The following HNRNPU variants were observed in gnomAD, a reference collection of about 807,000 sequenced individuals.
HNRNPU encodes the protein heterogeneous nuclear ribonucleoprotein U.
In HNRNPU, 5 loss-of-function variants were observed where a neutral mutation model predicts 94.7. The observed-to-expected ratio is 0.05, with a 90% CI of 0.03 to 0.11. The LOEUF (loss-of-function observed/expected upper bound fraction) is 0.11, where lower values mean the gene tolerates loss of function less well. Among genes scored for constraint, HNRNPU ranks in the 10% least tolerant of loss-of-function variants. HNRNPU has a pLI of 1.00. For synonymous variants in HNRNPU, 434 were observed against 381.6 expected (o/e 1.14, Z -1.60); for missense variants, 710 against 1,049.2 (o/e 0.68, Z 4.47).
In HNRNPU at chr1:244,864,312, A is replaced by G; in HGVS notation, c.-5T>C. Reference sequence around the variant, plus strand: ...ATTAACAGGCGAGGAACTCATGGTGAGGGCCCCGATTCACCGCTAGGCGCT... The same window carrying G: ...ATTAACAGGCGAGGAACTCATGGTGGGGGCCCCGATTCACCGCTAGGCGCT... On this transcript the variant is annotated 5_prime_UTR_variant, in exon 1 of 14. Transcript: ENST00000640218. 6.2e-7 allele frequency: 1 copy of G among 1,612,038 alleles called. No homozygotes were observed. The highest frequency in any genetic ancestry group is 8.5e-7 in the Non-Finnish European group (1 of 1,179,546).
intron 5 of HNRNPU, 57 bp from the exon 6 acceptor site, chr1:244,858,898 C>A: frequency 1.2e-6 from 1 of 801,906 alleles, no homozygotes; most frequent in South Asian, 1.5e-5. Context: ...AAAGACTCAT[C>A]TATTTTACTA....
intron 8 of HNRNPU, 173 bp downstream of exon 8, chr1:244,857,425 T>G: frequency 1.6e-6 from 1 of 616,084 alleles, no homozygotes; most frequent in South Asian, 2.3e-5. Flanking sequence ...TTTTAAATTT[T>G]TAGTAGGAAC....
At chr1:244,855,139 G>T in intron 12 of HNRNPU, 95 bp from the exon 13 acceptor site, 1 of 969,052 alleles carries the variant, frequency 1.0e-6, no homozygotes, top group Non-Finnish European at 1.7e-6. Flanking sequence ...CAGGTTGCTA[G>T]CCCCTAATCT....
In HNRNPU at chr1:244,858,732, A is replaced by T. The variant is rs765368510; in HGVS notation, c.1227T>A (p.Phe409Leu). The T allele has an allele frequency of 6.5e-7, 1 of 1,533,898 alleles. No individual in the cohort carries two copies. The highest frequency in any genetic ancestry group is 9.0e-7 in the Non-Finnish European group (1 of 1,108,788). The change falls in exon 6 of 14, where the codon TTT becomes TTA. Residue 409 changes from phenylalanine (F) to leucine (L), a missense_variant. Physicochemically the swap from Phe to Leu is conservative, Grantham distance 22 (BLOSUM62 0). Around this residue, in one of 8 missense-constraint regions of HNRNPU, gnomAD observed 150 missense variants for 187.9 expected, o/e 0.80. Transcript: ENST00000640218. ...KFDENDVITC[F>L]ANFESDEVEL... ...TAGAAAGTTAGCTTTAACTTACAGC[A>T]AAACATGTAATCACATCATTTTCAT... is the stretch of plus-strand genomic sequence containing the variant.
chr1:244,863,010 A>C (rs1482095939), intron 1 of HNRNPU: 6 of 398,192 alleles, frequency 1.5e-5, no homozygotes, highest in Admixed American at 4.3e-5. Context: ...TCCCGAAGAG[A>C]GCGCAGAGAG....
chr1:244,858,934 T>A, intron 5 of HNRNPU, 93 bp from the exon 6 acceptor site: 1 of 661,094 alleles, frequency 1.5e-6, no homozygotes, highest in Non-Finnish European at 2.7e-6. Context: ...ACAAGAGAAA[T>A]AAGCATATAA....
Position 244,853,938 on chromosome 1 carries a change from C to G in HNRNPU, c.*512G>C, listed in dbSNP as rs1037211483. 6.5e-6 allele frequency: 1 copy of G among 152,700 alleles called. No individual in the cohort carries two copies. The highest frequency in any genetic ancestry group is 6.5e-5 in the Admixed American group (1 of 15,272). The allele number at this position is 152,700 out of a possible 1,614,324, so 9.5% of individuals were successfully genotyped here. ...TCAGAAACTATGATTTAGCTTACCCCCTCCACTACCCAGCAAACTACAGAG... is the reference window on the plus strand; with the variant it reads ...TCAGAAACTATGATTTAGCTTACCCGCTCCACTACCCAGCAAACTACAGAG... On this transcript the variant is annotated 3_prime_UTR_variant, in exon 14 of 14. Transcript: ENST00000640218.
At position 244,852,690 on chromosome 1, in the gene HNRNPU, A is replaced by G. The variant is rs939095793; in HGVS notation, c.*1760T>C. The G allele has an allele frequency of 6.6e-6, 1 of 152,180 alleles. No homozygotes were observed. Among genetic ancestry groups the G allele is most frequent in the Non-Finnish European group, 1.5e-5 (1 of 68,032 alleles). The allele number at this position is 152,180 out of a possible 1,614,324, so 9.4% of individuals were successfully genotyped here. On this transcript the variant is annotated 3_prime_UTR_variant, in exon 14 of 14. Transcript: ENST00000640218. ...TCTCAACTGAACCTATACATCACCT[A>G]AACTCCAGCTTATAGCAAGAAAATT...
intron 1 of HNRNPU, 80 bp from the exon 2 acceptor site, chr1:244,862,810 C>T: frequency 1.0e-6 from 1 of 964,768 alleles, no homozygotes; most frequent in South Asian, 1.3e-5. Context: ...ACCAAAGCAG[C>T]TCGACTTTAT....
chr1:244,863,271 G>C (rs1680896404), intron 1 of HNRNPU, among the ~76,000 whole-genome samples: 1 of 144,106 alleles, frequency 6.9e-6, no homozygotes, highest in African/African-American at 2.6e-5. Flanking sequence ...CGCACGCAGC[G>C]CGACGGCGCC....
Position 244,858,814 on chromosome 1 carries a change from G to C in HNRNPU, c.1145C>G (p.Ser382Cys). Residue 382 changes from serine to cysteine, a missense_variant, in exon 6 of 14, where the codon TCT (serine) becomes TGT (cysteine). By Grantham distance (112) the Ser-to-Cys change is moderately radical (BLOSUM62 -1). This residue lies in a region of HNRNPU where 150 missense variants were observed against 187.9 expected (regional missense o/e 0.80). Coordinates refer to ENST00000640218, the MANE Select transcript of HNRNPU (RefSeq NM_031844.3). ...GTTGCATGTTTTTATTCCTTTTAGA[G>C]AATACCCATAAGAAAATTCTTCTTC... The part of the protein sequence containing the change: ...LGEEEFSYGY[S>C]LKGIKTCNCE... 1.3e-6 allele frequency: 2 copies of C among 1,556,356 alleles called. No homozygotes were observed. Among genetic ancestry groups the C allele is most frequent in the Non-Finnish European group, 1.8e-6 (2 of 1,129,796 alleles).
At chr1:244,855,671 G>C (rs1006477158) in intron 11 of HNRNPU, 63 bp from the exon 12 acceptor site, 2 of 1,531,964 alleles carry the variant, frequency 1.3e-6, no homozygotes, top group African/African-American at 1.4e-5. Context: ...AGAAGACTTA[G>C]GATTCCTCTA....
chr1:244,864,073 C>T lies in HNRNPU; in HGVS notation c.235G>A (p.Ala79Thr), dbSNP rs1245925607. The change falls in exon 1 of 14, where the codon GCG becomes ACG. Residue 79 changes from alanine (A) to threonine (T), a missense_variant. Transcript: ENST00000640218. Reference sequence around the variant, plus strand: ...TCCTCCTCTTCATCGCCGCCGGCCGCGGCCTCCTGCTCGAGGCCTGCTCCC... The same window carrying T: ...TCCTCCTCTTCATCGCCGCCGGCCGTGGCCTCCTGCTCGAGGCCTGCTCCC... The part of the protein sequence containing the change: ...RSGAGLEQEA[A>T]AGGDEEEEEE... 1.9e-6 allele frequency: 3 copies of T among 1,601,350 alleles called. No homozygotes were observed. The highest frequency in any genetic ancestry group is 1.7e-5 in the Admixed American group (1 of 58,194).
chr1:244,862,976 G>A, intron 1 of HNRNPU: 3 of 538,468 alleles, frequency 5.6e-6, no homozygotes, highest in Non-Finnish European at 9.9e-6. Context: ...AAACTGCGCG[G>A]CCCAGGCCCG....
chr1:244,862,931 G>A (rs1416698995), intron 1 of HNRNPU: 1 of 595,636 alleles, frequency 1.7e-6, no homozygotes, highest in Non-Finnish European at 3.0e-6. Flanking sequence ...TACTAATTTT[G>A]CCAGTCTCCT....
chr1:244,855,080 C>T, intron 12 of HNRNPU, 36 bp from the exon 13 acceptor site: 1 of 1,540,870 alleles, frequency 6.5e-7, no homozygotes, highest in African/African-American at 1.4e-5. Flanking sequence ...AGCTCTGAGC[C>T]CAATTGCTTG....
intron 5 of HNRNPU, 108 bp from the exon 6 acceptor site, chr1:244,858,949 A>G (rs542446278): frequency 1.3e-5 from 8 of 626,628 alleles, no homozygotes; most frequent in Non-Finnish European, 2.2e-5. Context: ...ATATAACCTA[A>G]TCACCTGTCA....
At chr1:244,862,781 A>T in intron 1 of HNRNPU, 51 bp from the exon 2 acceptor site, 1 of 1,407,126 alleles carries the variant, frequency 7.1e-7, no homozygotes, top group Non-Finnish European at 1.0e-6. Context: ...CAACAAAAAA[A>T]CGCTTTTCCG....
intron 1 of HNRNPU, 165 bp from the exon 2 acceptor site, chr1:244,862,895 G>C (rs1680876654): frequency 9.2e-6 from 6 of 650,630 alleles, no homozygotes; most frequent in Non-Finnish European, 1.1e-5. Flanking sequence ...AATTCGATTG[G>C]CGCTAGTGAC....
Sources: allele counts gnomAD v4.1 joint callset (sites outside exome capture counted in the v4.1 genomes callset), GRCh38; gene constraint gnomAD v4.1.1; regional missense constraint gnomAD v4.1.1; transcripts MANE v1.5; gene names NCBI Gene and HGNC (gene_info 2026-07-23, HGNC 2026-07-21).